The following CBFA2T2 variants were observed in gnomAD, a reference collection of about 807,000 sequenced individuals.
CBFA2T2 encodes the protein CBFA2/RUNX1 partner transcriptional co-repressor 2, also known as protein CBFA2T2.
CBFA2T2 carries 11 observed loss-of-function variants against 62.2 expected under a neutral mutation model. The ratio of observed to expected loss-of-function variants is 0.18; its 90% CI spans 0.11 to 0.29. The LOEUF (loss-of-function observed/expected upper bound fraction) is 0.29. CBFA2T2 is among the 10% of genes least tolerant of loss of function. The pLI, the probability that CBFA2T2 is intolerant of heterozygous loss-of-function variation, is 1.00. For synonymous variants in CBFA2T2, 295 were observed against 287.5 expected, an observed-to-expected ratio of 1.03 and a Z score of -0.27; for missense variants, 592 against 774.1, an observed-to-expected ratio of 0.76 and a Z score of 2.79.
chr20:33,545,181 T>C (rs1263091804), intron 1 of CBFA2T2, among the ~76,000 whole-genome samples: 1 of 152,216 alleles, frequency 6.6e-6, no homozygotes, highest in Non-Finnish European at 1.5e-5. Flanking sequence ...GCAGTGTTTC[T>C]TAAAAAGAAT....
intron 1 of CBFA2T2, among the ~76,000 whole-genome samples, chr20:33,595,032 T>A (rs1190441258): frequency 6.6e-6 from 1 of 152,238 alleles, no homozygotes; most frequent in Non-Finnish European, 1.5e-5. Flanking sequence ...CTATTTACAT[T>A]TTCAGGTCAG....
intron 1 of CBFA2T2, among the ~76,000 whole-genome samples, chr20:33,501,633 T>TTTC (rs1316823214): frequency 3.6e-5 from 4 of 111,110 alleles, no homozygotes; most frequent in Non-Finnish European, 7.2e-5. Context: ...AGCCTTCCTT[T>TTTC]TTTTTTTTTT....
At chr20:33,583,988 C>G (rs1162809195) in intron 1 of CBFA2T2, among the ~76,000 whole-genome samples, 1 of 151,848 alleles carries the variant, frequency 6.6e-6, no homozygotes, top group African/African-American at 2.4e-5. Flanking sequence ...TGCTTTGTTC[C>G]CTAGGCTGGA....
intron 1 of CBFA2T2, among the ~76,000 whole-genome samples, chr20:33,577,078 C>A (rs1429366130): frequency 6.6e-6 from 1 of 152,178 alleles, no homozygotes; most frequent in Non-Finnish European, 1.5e-5. Context: ...GTTTTTCTAG[C>A]TGATTTTGTT....
intron 1 of CBFA2T2, among the ~76,000 whole-genome samples, chr20:33,529,896 T>C (rs2012008446): frequency 1.3e-5 from 2 of 151,436 alleles, no homozygotes; most frequent in South Asian, 4.2e-4. Flanking sequence ...TTGATTCTCC[T>C]GCCTCAGCCT....
chr20:33,587,479 G>C (rs1323490353), intron 1 of CBFA2T2, among the ~76,000 whole-genome samples: 2 of 150,806 alleles, frequency 1.3e-5, no homozygotes, highest in African/African-American at 4.9e-5. Flanking sequence ...TGTTAGCCAG[G>C]ATGGTCTTGA....
intron 3 of CBFA2T2, among the ~76,000 whole-genome samples, chr20:33,616,078 GAGATAGATAGAT>G (rs3054967): frequency 0.018 from 2,632 of 143,288 alleles, 35 homozygotes; most frequent in Non-Finnish European, 0.021. Context: ...TCTGTAGATA[GAGATAGATAGAT>G]AGATAGATAG....
At chr20:33,547,336 A>G (rs1006784499) in intron 1 of CBFA2T2, among the ~76,000 whole-genome samples, 25 of 152,144 alleles carry the variant, frequency 1.6e-4, no homozygotes, top group African/African-American at 3.6e-4. Context: ...CAAGGCTGCA[A>G]TGAACTATGA....
At chr20:33,617,525 C>T (rs1019117402) in intron 3 of CBFA2T2, among the ~76,000 whole-genome samples, 10 of 152,348 alleles carry the variant, frequency 6.6e-5, no homozygotes, top group Admixed American at 6.5e-4. Flanking sequence ...CCCTGTGTCA[C>T]ACAATCCATC....
At chr20:33,553,064 T>C (rs535784775) in intron 1 of CBFA2T2, among the ~76,000 whole-genome samples, 11 of 152,232 alleles carry the variant, frequency 7.2e-5, no homozygotes, top group Non-Finnish European at 1.6e-4. Context: ...TATGTTTGTT[T>C]GTATGATAAT....
intron 1 of CBFA2T2, among the ~76,000 whole-genome samples, chr20:33,532,007 A>T (rs2012075761): frequency 1.3e-5 from 2 of 152,224 alleles, no homozygotes; most frequent in African/African-American, 4.8e-5. Flanking sequence ...TAGATGGAGT[A>T]ATGTAGTGAC....
At chr20:33,492,745 G>A (rs2011157510) in intron 1 of CBFA2T2, among the ~76,000 whole-genome samples, 1 of 151,936 alleles carries the variant, frequency 6.6e-6, no homozygotes, top group Non-Finnish European at 1.5e-5. Flanking sequence ...TCCTGGGCTT[G>A]AGTAATCCTC....
intron 1 of CBFA2T2, among the ~76,000 whole-genome samples, chr20:33,510,089 T>G (rs1248137328): frequency 2.6e-5 from 4 of 152,188 alleles, no homozygotes; most frequent in African/African-American, 9.6e-5. Flanking sequence ...TCTGTCCTTG[T>G]GATAGTTTGC....
intron 1 of CBFA2T2, among the ~76,000 whole-genome samples, chr20:33,514,939 G>A (rs1463473727): frequency 2.0e-5 from 3 of 151,706 alleles, no homozygotes; most frequent in Non-Finnish European, 1.5e-5. Flanking sequence ...TGATCCGCCC[G>A]CCTTGGCCTC....
chr20:33,571,230 T>C (rs934279272), intron 1 of CBFA2T2, among the ~76,000 whole-genome samples: 41 of 152,370 alleles, frequency 2.7e-4, no homozygotes, highest in Middle Eastern at 3.4e-3. Flanking sequence ...TGGAGTCAGT[T>C]TCAAACACTT....
In CBFA2T2 at chr20:33,580,415, C is replaced by CA. The variant is rs2014058808; in HGVS notation, c.35-26539dup. On this transcript the variant is annotated intron_variant, in intron 1 of 10. Coordinates refer to ENST00000342704, the MANE Select transcript of CBFA2T2 (RefSeq NM_001032999.3). ...GTGGTGATCAAGATGAACGTGGCCC[C>CA]AACTCTCCAGAGGCTTACAACCTAA... 2.0e-5 allele frequency among the ~76,000 whole-genome samples: 3 copies of CA among 152,294 alleles called. No individual in the cohort carries two copies. In the South Asian group the frequency reaches 6.2e-4, roughly 32 times the overall value.
At chr20:33,549,861 C>CTTT (rs368043905) in intron 1 of CBFA2T2, among the ~76,000 whole-genome samples, 10 of 124,236 alleles carry the variant, frequency 8.0e-5, no homozygotes, top group South Asian at 2.6e-4. Flanking sequence ...ATGGCTGCTG[C>CTTT]TTTTTTTTTT....
chr20:33,600,003 T>C (rs562499630), intron 1 of CBFA2T2, among the ~76,000 whole-genome samples: 1 of 152,292 alleles, frequency 6.6e-6, no homozygotes, highest in East Asian at 1.9e-4. Flanking sequence ...CTGCGTGTTA[T>C]TAGGAAGTTG....
chr20:33,503,414 C>T (rs1199037163), intron 1 of CBFA2T2, among the ~76,000 whole-genome samples: 2 of 151,584 alleles, frequency 1.3e-5, no homozygotes, highest in South Asian at 2.1e-4. Flanking sequence ...GCCATCAGGC[C>T]CAGCTAATTT....
Sources: allele counts gnomAD v4.1 joint callset (sites outside exome capture counted in the v4.1 genomes callset), GRCh38; gene constraint gnomAD v4.1.1; transcripts MANE v1.5; gene names NCBI Gene and HGNC (gene_info 2026-07-23, HGNC 2026-07-21).